The following NR2F1-AS1 variants were observed in gnomAD, a reference collection of about 807,000 sequenced individuals.
The protein encoded by NR2F1-AS1 is NR2F1 regulatory antisense RNA 1.
chr5:93,473,429 T>C (rs931619851), intron 4 of NR2F1-AS1, among the ~76,000 whole-genome samples: 8 of 151,790 alleles, frequency 5.3e-5, no homozygotes, highest in African/African-American at 1.9e-4. Context: ...CAAGGGAAAA[T>C]ATTAAATATA....
chr5:93,557,940 T>C (rs1462969049), intron 2 of NR2F1-AS1, among the ~76,000 whole-genome samples: 5 of 152,206 alleles, frequency 3.3e-5, no homozygotes. Context: ...TTTACCAGGG[T>C]ACATTCCATC....
At chr5:93,521,569 T>G (rs1751502418) in intron 4 of NR2F1-AS1, among the ~76,000 whole-genome samples, 1 of 152,104 alleles carries the variant, frequency 6.6e-6, no homozygotes, top group South Asian at 2.1e-4. Context: ...AACAGACGCT[T>G]TTCAAAAGAA....
intron 4 of NR2F1-AS1, among the ~76,000 whole-genome samples, chr5:93,488,986 A>C (rs1425462076): frequency 1.3e-5 from 2 of 152,146 alleles, no homozygotes; most frequent in Non-Finnish European, 2.9e-5. Flanking sequence ...TTCTCAGCAA[A>C]CTAACACAGG....
In NR2F1-AS1 at chr5:93,537,835, C is replaced by A. The variant is rs143749464; in HGVS notation, n.638+15926G>T. Among the ~76,000 whole-genome samples, 157 of 152,266 alleles carry A rather than the reference C, an allele frequency of 1.0e-3. 6 individuals carry two copies. In the South Asian group the frequency reaches 0.023, roughly 23 times the overall value. On this transcript the variant is annotated intron_variant and non_coding_transcript_variant, in intron 4 of 5. Transcript: ENST00000660523. The stretch of plus-strand genomic sequence containing the variant: ...ACTCCAATAACATTTCATTCAATGT[C>A]CTTCATTATAAGGCATATAAGAAAA...
chr5:93,549,102 C>G (rs1174778144), intron 4 of NR2F1-AS1, among the ~76,000 whole-genome samples: 1 of 152,016 alleles, frequency 6.6e-6, no homozygotes, highest in Non-Finnish European at 1.5e-5. Context: ...ATTTTAACTA[C>G]TAAGCATAAA....
upstream of NR2F1-AS1, among the ~76,000 whole-genome samples, chr5:93,581,853 CCTCTCTCT>C (rs1160839598): frequency 2.5e-5 from 1 of 39,888 alleles, no homozygotes; most frequent in Non-Finnish European, 6.9e-5. Flanking sequence ...CTCTCTCTCT[CCTCTCTCT>C]CTCTCTCCTC....
chr5:93,557,644 C>T (rs971298525), intron 2 of NR2F1-AS1, among the ~76,000 whole-genome samples: 15 of 152,098 alleles, frequency 9.9e-5, no homozygotes, highest in Admixed American at 2.6e-4. Context: ...AGTGGAGAGT[C>T]TTGCCTTGAA....
chr5:93,512,535 T>A (rs188653660), intron 4 of NR2F1-AS1, among the ~76,000 whole-genome samples: 18 of 152,296 alleles, frequency 1.2e-4, no homozygotes, highest in Non-Finnish European at 2.2e-4. Flanking sequence ...AGCCTAAGTG[T>A]ACAGTGCTTA....
intron 4 of NR2F1-AS1, among the ~76,000 whole-genome samples, chr5:93,443,094 C>T (rs1159841983): frequency 6.6e-6 from 1 of 152,178 alleles, no homozygotes; most frequent in African/African-American, 2.4e-5. Context: ...TGAGGAGAAA[C>T]CAGAGCAGAA....
chr5:93,548,379 A>G (rs760873524), intron 4 of NR2F1-AS1, among the ~76,000 whole-genome samples: 1 of 152,132 alleles, frequency 6.6e-6, no homozygotes, highest in Non-Finnish European at 1.5e-5. Context: ...CCATTTTACC[A>G]TATATCGTTT....
At chr5:93,459,485 C>T (rs563867248) in intron 4 of NR2F1-AS1, among the ~76,000 whole-genome samples, 11 of 152,214 alleles carry the variant, frequency 7.2e-5, no homozygotes, top group Admixed American at 2.0e-4. Flanking sequence ...AGAAATGTGG[C>T]ATATACAACC....
chr5:93,490,062 C>G (rs891360067), intron 4 of NR2F1-AS1, among the ~76,000 whole-genome samples: 1 of 152,118 alleles, frequency 6.6e-6, no homozygotes, highest in African/African-American at 2.4e-5. Flanking sequence ...CCCTTCAGAT[C>G]CAGATTGAGC....
At chr5:93,461,931 C>G (rs549219701) in intron 4 of NR2F1-AS1, among the ~76,000 whole-genome samples, 4 of 152,208 alleles carry the variant, frequency 2.6e-5, no homozygotes, top group South Asian at 2.1e-4. Flanking sequence ...ATTAGTAACA[C>G]TGGCCAAAAT....
Position 93,562,195 on chromosome 5 carries a change from A to AAAAAAAG in NR2F1-AS1, n.413+1168_413+1169insCTTTTTT, listed in dbSNP as rs755007063. 6.0e-3 allele frequency among the ~76,000 whole-genome samples: 824 copies of AAAAAAAG among 136,588 alleles called. 3 individuals carry two copies. The highest frequency in any genetic ancestry group is 7.8e-3 in the Non-Finnish European group (510 of 65,520). The allele number at this position is 136,588 out of a possible 152,430, so 89.6% of individuals were successfully genotyped here. On this transcript the variant is annotated intron_variant and non_coding_transcript_variant, in intron 2 of 5. Transcript: ENST00000660523. The stretch of plus-strand genomic sequence containing the variant: ...AAACCCATCTCTACAAAAAAAAAAA[A>AAAAAAAG]AAAAGAAAAGAAAAGAAAAGAAAAG...
At chr5:93,479,588 G>A (rs2083227) in intron 4 of NR2F1-AS1, among the ~76,000 whole-genome samples, 26,231 of 151,952 alleles carry the variant, frequency 0.17, 3,529 homozygotes, top group African/African-American at 0.38. Flanking sequence ...GCCACATTAC[G>A]GTATTCAAAA....
chr5:93,538,299 T>C lies in NR2F1-AS1; in HGVS notation n.638+15462A>G, dbSNP rs1037301019. Among the ~76,000 whole-genome samples the C allele has an allele frequency of 2.0e-5, 3 of 151,878 alleles. No homozygotes were observed. The East Asian group carries it at 5.8e-4, about 29-fold the overall frequency. Reference sequence around the variant, plus strand: ...ACCAGCCTGGACAATATAGTAAAACTCCATCTCTACTAAAAATACAAAAAA... The same window carrying C: ...ACCAGCCTGGACAATATAGTAAAACCCCATCTCTACTAAAAATACAAAAAA... On this transcript the variant is annotated intron_variant and non_coding_transcript_variant, in intron 4 of 5. Transcript: ENST00000660523.
intron 4 of NR2F1-AS1, among the ~76,000 whole-genome samples, chr5:93,423,661 C>T (rs573824213): frequency 1.2e-4 from 19 of 152,332 alleles, no homozygotes; most frequent in African/African-American, 4.6e-4. Flanking sequence ...TCTTGTCTAA[C>T]TTTAACACCG....
chr5:93,552,353 T>G (rs1752250296), intron 4 of NR2F1-AS1, among the ~76,000 whole-genome samples: 1 of 152,094 alleles, frequency 6.6e-6, no homozygotes, highest in South Asian at 2.1e-4. Flanking sequence ...AGAATATGAA[T>G]GAAGCCAAAA....
chr5:93,547,192 T>C (rs1332046105), intron 4 of NR2F1-AS1, among the ~76,000 whole-genome samples: 1 of 152,164 alleles, frequency 6.6e-6, no homozygotes, highest in Non-Finnish European at 1.5e-5. Flanking sequence ...TATATGTATT[T>C]TATTGGTTCC....
Sources: gnomAD v4.1 joint callset for allele counts (sites outside exome capture counted in the v4.1 genomes callset) on GRCh38, gnomAD v4.1.1 for gene constraint, MANE v1.5 for transcripts, NCBI Gene and HGNC (gene_info 2026-07-23, HGNC 2026-07-21) for gene names.